The following ADGRL2 variants were observed in gnomAD, a reference collection of about 807,000 sequenced individuals.
ADGRL2 encodes the protein calcium-independent alpha-latrotoxin receptor 2.
In ADGRL2, 44 loss-of-function variants were observed where a neutral mutation model predicts 157.4. That is an observed-to-expected ratio of 0.28 (90% CI 0.22 to 0.36). ADGRL2 has a LOEUF of 0.36. ADGRL2 is among the 10% of genes least tolerant of loss of function. The pLI is 1.00. For missense variants in ADGRL2, 1,510 were observed against 1,768.9 expected, an observed-to-expected ratio of 0.85 and a Z score of 2.63; for synonymous variants, 585 against 624.7, an observed-to-expected ratio of 0.94 and a Z score of 0.95.
chr1:81,484,723 G>A (rs529062914), intron 2 of ADGRL2, among the ~76,000 whole-genome samples: 7 of 152,010 alleles, frequency 4.6e-5, no homozygotes, highest in African/African-American at 1.4e-4. Context: ...AAAAATCATC[G>A]TCTTAGAAGG....
chr1:81,355,715 T>C (rs1390077175), intron 1 of ADGRL2, among the ~76,000 whole-genome samples: 1 of 152,176 alleles, frequency 6.6e-6, no homozygotes, highest in East Asian at 1.9e-4. Flanking sequence ...TAGAAGCAGG[T>C]TCACCCTGGG....
chr1:81,839,850 CATA>C (rs1557748426), intron 2 of ADGRL2, among the ~76,000 whole-genome samples: 2 of 112,052 alleles, frequency 1.8e-5, no homozygotes, highest in Admixed American at 1.0e-4. Context: ...TGTTTTCCAT[CATA>C]TATATATATA....
At chr1:81,620,655 T>G (rs777183372) in intron 3 of ADGRL2, among the ~76,000 whole-genome samples, 1 of 152,218 alleles carries the variant, frequency 6.6e-6, no homozygotes, top group African/African-American at 2.4e-5. Flanking sequence ...ATAACTGTGA[T>G]ATACCCAACA....
chr1:81,455,330 G>A (rs1320974934), intron 2 of ADGRL2, among the ~76,000 whole-genome samples: 3 of 152,178 alleles, frequency 2.0e-5, no homozygotes, highest in Admixed American at 1.3e-4. Flanking sequence ...GAGGAGGCAG[G>A]ATGCACAAGG....
chr1:81,673,510 A>ATTTTTTTTTTTTTTTTTTTTT (rs35732882), intron 3 of ADGRL2, among the ~76,000 whole-genome samples: 2 of 100,154 alleles, frequency 2.0e-5, no homozygotes, highest in Non-Finnish European at 3.9e-5. Flanking sequence ...TGTGCCTTCT[A>ATTTTTTTTTTTTTTTTTTTTT]TTTTTTTTTT....
chr1:81,554,500 A>G (rs1487386369), intron 2 of ADGRL2, among the ~76,000 whole-genome samples: 3 of 152,210 alleles, frequency 2.0e-5, no homozygotes, highest in Middle Eastern at 6.8e-3. Flanking sequence ...TTGGCAAAAA[A>G]AAATTTTTGA....
chr1:81,650,335 G>A (rs1455638626), intron 3 of ADGRL2, among the ~76,000 whole-genome samples: 2 of 152,096 alleles, frequency 1.3e-5, no homozygotes. Flanking sequence ...ACTTTGGGAA[G>A]CCGAGGCAGG....
chr1:81,543,283 G>A (rs1327323993), intron 2 of ADGRL2, among the ~76,000 whole-genome samples: 1 of 150,900 alleles, frequency 6.6e-6, no homozygotes, highest in African/African-American at 2.5e-5. Flanking sequence ...AATGGAATTT[G>A]TGAGGGCTAA....
intron 2 of ADGRL2, among the ~76,000 whole-genome samples, chr1:81,788,601 T>G (rs2087171827): frequency 6.6e-6 from 1 of 152,234 alleles, no homozygotes; most frequent in African/African-American, 2.4e-5. Context: ...CAAAACAGAC[T>G]AACACAGAAG....
At chr1:81,936,870 G>T (rs777994030) in intron 4 of ADGRL2, 33 bp downstream of exon 4, 3 of 1,310,482 alleles carry the variant, frequency 2.3e-6, no homozygotes, top group East Asian at 2.3e-5. Context: ...TTTACACTTT[G>T]CCCAGCATTA....
At chr1:81,951,876 A>C in intron 8 of ADGRL2, 81 bp from the exon 9 acceptor site, 1 of 1,136,002 alleles carries the variant, frequency 8.8e-7, no homozygotes, top group Non-Finnish European at 1.2e-6. Context: ...TTTTTTCACC[A>C]CAATAAAGAT....
intron 2 of ADGRL2, among the ~76,000 whole-genome samples, chr1:81,455,419 G>A (rs1331854435): frequency 1.3e-5 from 2 of 152,174 alleles, no homozygotes; most frequent in Non-Finnish European, 2.9e-5. Flanking sequence ...GCAGATCACT[G>A]CCTCCCTAAA....
chr1:81,650,574 C>CA (rs1180168819), intron 3 of ADGRL2, among the ~76,000 whole-genome samples: 970 of 62,002 alleles, frequency 0.016, 12 homozygotes, highest in African/African-American at 0.041. Context: ...GACTCCATCT[C>CA]AAAAAAAAAA....
intron 3 of ADGRL2, among the ~76,000 whole-genome samples, chr1:81,691,894 ATGTATG>A (rs1557569873): frequency 5.4e-5 from 8 of 147,738 alleles, no homozygotes; most frequent in Non-Finnish European, 8.9e-5. Flanking sequence ...ATATATATAT[ATGTATG>A]TGTATATAGA....
chr1:81,535,278 T>G, intron 2 of ADGRL2, among the ~76,000 whole-genome samples: 1 of 152,342 alleles, frequency 6.6e-6, no homozygotes, highest in East Asian at 1.9e-4. Flanking sequence ...TTAAAAATTT[T>G]AAATATCTCT....
intron 1 of ADGRL2, among the ~76,000 whole-genome samples, chr1:81,324,527 C>G: frequency 6.7e-6 from 1 of 148,926 alleles, no homozygotes; most frequent in East Asian, 1.9e-4. Flanking sequence ...AAAAATCTAT[C>G]TATATAATAT....
chr1:81,695,051 A>T (rs1228450138), upstream of ADGRL2, among the ~76,000 whole-genome samples: 1 of 152,090 alleles, frequency 6.6e-6, no homozygotes, highest in Non-Finnish European at 1.5e-5. Context: ...AAGTCTCAAA[A>T]ATCTTTTATT....
intron 7 of ADGRL2, 44 bp downstream of exon 7, chr1:81,950,526 A>G (rs377338612): frequency 4.6e-6 from 7 of 1,534,964 alleles, no homozygotes; most frequent in Non-Finnish European, 6.2e-6. Flanking sequence ...CAATTTAGTA[A>G]GTAGGTTCTG....
chr1:81,569,802 C>G (rs1206511852), intron 2 of ADGRL2, among the ~76,000 whole-genome samples: 1 of 152,058 alleles, frequency 6.6e-6, no homozygotes, highest in African/African-American at 2.4e-5. Flanking sequence ...AGAGCCAGAC[C>G]TTGTCTCTAA....
Sources: allele counts gnomAD v4.1 joint callset (sites outside exome capture counted in the v4.1 genomes callset), GRCh38; gene constraint gnomAD v4.1.1; transcripts MANE v1.5; gene names NCBI Gene and HGNC (gene_info 2026-07-23, HGNC 2026-07-21).